Variants in FARS2 observed in about 807,000 individuals in gnomAD.
FARS2 encodes phenylalanyl-tRNA synthetase 2, mitochondrial, also known as phenylalanine--tRNA ligase, mitochondrial.
In FARS2, 40 loss-of-function variants were observed where a neutral mutation model predicts 46.4. The observed-to-expected ratio is 0.86, with a 90% CI of 0.67 to 1.12. The LOEUF is 1.12. FARS2 is among the 50% of genes most tolerant of loss of function. The probability of loss-of-function intolerance (pLI) is 0.00; values close to 1 mark genes in which losing one functional copy is unlikely to be tolerated. For synonymous variants in FARS2, 234 were observed against 214.9 expected (o/e 1.09, Z -0.78); for missense variants, 513 against 567.9 (o/e 0.90, Z 0.98).
intron 6 of FARS2, among the ~76,000 whole-genome samples, chr6:5,725,297 G>A (rs1760179392): frequency 6.6e-6 from 1 of 152,230 alleles, no homozygotes; most frequent in African/African-American, 2.4e-5. Context: ...GGAGAAAATT[G>A]GAAAGGAGCT....
chr6:5,375,126 A>G (rs1437871314), intron 2 of FARS2, among the ~76,000 whole-genome samples: 1 of 106,240 alleles, frequency 9.4e-6, no homozygotes, highest in Non-Finnish European at 1.8e-5. Context: ...ATTGGAAAAC[A>G]TAGATAAAAC....
At chr6:5,638,642 A>T (rs1276219965) in intron 6 of FARS2, among the ~76,000 whole-genome samples, 1 of 152,234 alleles carries the variant, frequency 6.6e-6, no homozygotes, top group African/African-American at 2.4e-5. Flanking sequence ...GACTCTCAGG[A>T]GAGGCTGCCT....
At position 5,587,183 on chromosome 6, in the gene FARS2, A is replaced by C. The variant is rs1177816617; in HGVS notation, c.1066-25986A>C. 2.0e-5 allele frequency among the ~76,000 whole-genome samples: 3 copies of C among 152,258 alleles called. No individual in the cohort carries two copies. In the South Asian group the frequency reaches 6.2e-4, roughly 31 times the overall value. On this transcript the variant is annotated intron_variant, in intron 5 of 6. Transcript: ENST00000274680. Reference sequence around the variant, plus strand: ...TTTCTTCATCTATAAAATGGAAACAAAATCATTTCTCCTTCATAAAGGTGG... The same window carrying C: ...TTTCTTCATCTATAAAATGGAAACACAATCATTTCTCCTTCATAAAGGTGG...
chr6:5,661,298 A>G (rs1009951262), intron 6 of FARS2, among the ~76,000 whole-genome samples: 6 of 152,216 alleles, frequency 3.9e-5, no homozygotes, highest in African/African-American at 9.6e-5. Context: ...CACTGAAGTA[A>G]ACGTGTTGCA....
chr6:5,481,704 T>C (rs1196618884), intron 4 of FARS2, among the ~76,000 whole-genome samples: 3 of 145,672 alleles, frequency 2.1e-5, no homozygotes, highest in Non-Finnish European at 4.5e-5. Context: ...TTTAAATTTC[T>C]CACTGGTCGT....
At chr6:5,253,947 A>G in the FARS2 span, among the ~76,000 whole-genome samples, 2 of 152,140 alleles carry the variant, frequency 1.3e-5, no homozygotes, top group Non-Finnish European at 2.9e-5. Flanking sequence ...TTATGTGACA[A>G]CTGGTGATGA....
At chr6:5,257,618 C>G (rs1195368370), upstream of FARS2, among the ~76,000 whole-genome samples, 3 of 152,184 alleles carry the variant, frequency 2.0e-5, no homozygotes, top group Non-Finnish European at 4.4e-5. Flanking sequence ...ATGGCCTGAG[C>G]TCCATCTCCT....
intron 4 of FARS2, among the ~76,000 whole-genome samples, chr6:5,540,658 A>G (rs1465886363): frequency 1.3e-5 from 2 of 152,242 alleles, no homozygotes; most frequent in Middle Eastern, 3.2e-3. Context: ...AATACTGTGT[A>G]TGACATTGTG....
chr6:5,768,459 G>A (rs993535834), intron 6 of FARS2, among the ~76,000 whole-genome samples: 2 of 152,102 alleles, frequency 1.3e-5, no homozygotes, highest in South Asian at 4.1e-4. Flanking sequence ...ATAACTTTTA[G>A]AGGTGCCATA....
intron 5 of FARS2, among the ~76,000 whole-genome samples, chr6:5,588,957 A>T (rs1773769195): frequency 6.6e-6 from 1 of 152,198 alleles, no homozygotes; most frequent in African/African-American, 2.4e-5. Context: ...ACTGTATGAG[A>T]GGGAGCCATT....
chr6:5,539,663 G>A (rs921550689), intron 4 of FARS2, among the ~76,000 whole-genome samples: 1 of 152,032 alleles, frequency 6.6e-6, no homozygotes, highest in Non-Finnish European at 1.5e-5. Flanking sequence ...TCTTTTCAGT[G>A]AATTCTTGGA....
intron 6 of FARS2, among the ~76,000 whole-genome samples, chr6:5,685,345 G>T (rs1168162589): frequency 6.6e-6 from 1 of 152,210 alleles, no homozygotes; most frequent in East Asian, 1.9e-4. Context: ...GTATTGAAAA[G>T]ATTTAGGTGG....
intron 1 of FARS2, among the ~76,000 whole-genome samples, chr6:5,297,419 G>A (rs1257273389): frequency 2.0e-5 from 3 of 152,322 alleles, no homozygotes; most frequent in South Asian, 4.1e-4. Context: ...GGGCCAAGGC[G>A]GGTGGATCAC....
At chr6:5,608,178 T>C (rs1318513448) in intron 5 of FARS2, among the ~76,000 whole-genome samples, 1 of 152,124 alleles carries the variant, frequency 6.6e-6, no homozygotes, top group Non-Finnish European at 1.5e-5. Context: ...ATAGCTGCAG[T>C]GTGATAAATG....
intron 3 of FARS2, among the ~76,000 whole-genome samples, chr6:5,428,336 G>A (rs941637225): frequency 1.3e-5 from 2 of 152,092 alleles, no homozygotes; most frequent in African/African-American, 2.4e-5. Flanking sequence ...AACTGAGAAA[G>A]TAAACTTGTG....
intron 1 of FARS2, among the ~76,000 whole-genome samples, chr6:5,354,886 C>A (rs1459955628): frequency 6.6e-6 from 1 of 152,052 alleles, no homozygotes; most frequent in Non-Finnish European, 1.5e-5. Flanking sequence ...GACTGATGTG[C>A]CCTGCCCCAG....
At chr6:5,384,092 G>T (rs1581945136) in intron 2 of FARS2, among the ~76,000 whole-genome samples, 1 of 152,270 alleles carries the variant, frequency 6.6e-6, no homozygotes, top group East Asian at 1.9e-4. Flanking sequence ...CCAGAATGGG[G>T]TGTTTTTTGT....
At chr6:5,369,229 T>TTA (rs1473932832) in intron 2 of FARS2, 47 bp downstream of exon 2, 10 of 1,570,348 alleles carry the variant, frequency 6.4e-6, no homozygotes, top group Non-Finnish European at 6.9e-6. Context: ...CATAGACATT[T>TTA]TATGTTGAGG....
At chr6:5,421,374 C>G (rs1004085105) in intron 3 of FARS2, among the ~76,000 whole-genome samples, 1 of 152,224 alleles carries the variant, frequency 6.6e-6, no homozygotes, top group African/African-American at 2.4e-5. Context: ...ATGAGAAGGG[C>G]TGCCACAAAG....
Sources: gnomAD v4.1 joint callset for allele counts (sites outside exome capture counted in the v4.1 genomes callset) on GRCh38, gnomAD v4.1.1 for gene constraint, MANE v1.5 for transcripts, NCBI Gene and HGNC (gene_info 2026-07-23, HGNC 2026-07-21) for gene names.